ZNF577: variants seen among roughly 807,000 people sequenced by gnomAD.
The protein encoded by ZNF577 is zinc finger protein 577.
Under a neutral mutation model 13.9 loss-of-function variants are expected in ZNF577, and 14 were observed. That is an observed-to-expected ratio of 1.00 (90% confidence interval 0.66 to 1.57). The LOEUF is 1.57. Among genes scored for constraint, ZNF577 ranks in the 40% most tolerant of loss-of-function variants. The probability of loss-of-function intolerance (pLI) is 0.00; values close to 1 mark genes in which losing one functional copy is unlikely to be tolerated. For missense variants in ZNF577, 555 were observed against 579.2 expected (o/e 0.96, Z 0.43); for synonymous variants, 203 against 202.9 (o/e 1.00, Z 0.00).
intron 9 of ZNF577, among the ~76,000 whole-genome samples, chr19:51,820,812 T>C (rs2084182582): frequency 6.6e-6 from 1 of 152,248 alleles, no homozygotes; most frequent in Non-Finnish European, 1.5e-5. Context: ...AACTTCCTCA[T>C]GTGTACAATG....
At position 51,867,758 on chromosome 19, in the gene ZNF577, C is replaced by G. The variant is rs1030737408; in HGVS notation, c.*4774G>C. ...CACGATTACGCCACTGCACTCCAGCCTGGGCAAAAGAGCGAAACTCCATCT... is the reference window on the plus strand; with the variant it reads ...CACGATTACGCCACTGCACTCCAGCGTGGGCAAAAGAGCGAAACTCCATCT... On this transcript the variant is annotated 3_prime_UTR_variant, in exon 6 of 6. Transcript: ENST00000638348. Among the ~76,000 whole-genome samples the G allele has an allele frequency of 6.6e-6, 1 of 152,060 alleles. No homozygotes were observed. The highest frequency in any genetic ancestry group is 2.4e-5 in the African/African-American group (1 of 41,392).
At chr19:51,874,028 G>A (rs2084713094) in intron 5 of ZNF577, among the ~76,000 whole-genome samples, 1 of 152,154 alleles carries the variant, frequency 6.6e-6, no homozygotes, top group African/African-American at 2.4e-5. Flanking sequence ...TGTGAAAAAG[G>A]ATGATACTAT....
chr19:51,860,162 C>A (rs2084481232), intron 5 of ZNF577: 2 of 152,146 alleles, frequency 1.3e-5, no homozygotes, highest in Admixed American at 1.3e-4. Flanking sequence ...CATTCCAGAT[C>A]ATAAGATGCT....
At chr19:51,814,090 T>A (rs1268045365) in intron 9 of ZNF577, among the ~76,000 whole-genome samples, 1 of 152,338 alleles carries the variant, frequency 6.6e-6, no homozygotes, top group East Asian at 1.9e-4. Context: ...AATTCCTTCT[T>A]GGTTTATGTG....
chr19:51,853,924 C>T (rs2084392989), intron 5 of ZNF577, among the ~76,000 whole-genome samples: 1 of 151,784 alleles, frequency 6.6e-6, no homozygotes, highest in African/African-American at 2.4e-5. Flanking sequence ...ATAGTTCAGT[C>T]GAAAGAAGCA....
intron 8 of ZNF577, among the ~76,000 whole-genome samples, chr19:51,840,330 G>C (rs569803611): frequency 6.6e-6 from 1 of 152,300 alleles, no homozygotes; most frequent in African/African-American, 2.4e-5. Flanking sequence ...AAAGCAGCAG[G>C]TAAGGCGCAG....
intron 5 of ZNF577, among the ~76,000 whole-genome samples, chr19:51,849,772 A>G (rs1393879453): frequency 6.6e-6 from 1 of 152,214 alleles, no homozygotes; most frequent in Admixed American, 6.5e-5. Flanking sequence ...TTAAGCATTT[A>G]CCCAAAAGAA....
intron 10 of ZNF577, among the ~76,000 whole-genome samples, chr19:51,810,439 G>A (rs1163297703): frequency 3.9e-5 from 6 of 152,180 alleles, no homozygotes; most frequent in African/African-American, 1.4e-4. Flanking sequence ...TATGTAAAAA[G>A]GATTGTACTG....
chr19:51,815,782 GC>G (rs1347318558), intron 9 of ZNF577, among the ~76,000 whole-genome samples: 1 of 151,192 alleles, frequency 6.6e-6, no homozygotes, highest in Non-Finnish European at 1.5e-5. Flanking sequence ...AATCCCTTGA[GC>G]CCAGGGAAGT....
At chr19:51,854,121 TG>T (rs146695221) in intron 5 of ZNF577, among the ~76,000 whole-genome samples, 10,002 of 152,274 alleles carry the variant, frequency 0.066, 465 homozygotes, top group Non-Finnish European at 0.099. Context: ...GATTCTGGAT[TG>T]TATGTAATTG....
intron 9 of ZNF577, among the ~76,000 whole-genome samples, chr19:51,813,879 C>T (rs1401659229): frequency 6.6e-6 from 1 of 152,080 alleles, no homozygotes; most frequent in Non-Finnish European, 1.5e-5. Flanking sequence ...TGAATGAAGC[C>T]AGTTTTTTTG....
intron 4 of ZNF577, 66 bp from the exon 5 acceptor site, chr19:51,877,443 T>G: frequency 7.4e-7 from 1 of 1,343,552 alleles, no homozygotes; most frequent in African/African-American, 1.4e-5. Flanking sequence ...ATGGAGAGGG[T>G]TATGTCTCAG....
chr19:51,878,613 G>A (rs868845108), intron 3 of ZNF577, 98 bp from the exon 4 acceptor site: 13 of 1,438,602 alleles, frequency 9.0e-6, no homozygotes, highest in Middle Eastern at 3.6e-4. Flanking sequence ...CCATGACAAC[G>A]TATGCACACC....
chr19:51,878,275 A>C, intron 4 of ZNF577, 114 bp downstream of exon 4: 1 of 1,201,770 alleles, frequency 8.3e-7, no homozygotes, highest in Non-Finnish European at 1.1e-6. Flanking sequence ...TTACCACCAC[A>C]ACAAAAAATC....
At position 51,824,979 on chromosome 19, in the gene ZNF577, C is replaced by T. The variant is rs1430578684; in HGVS notation, c.*600-13305G>A. The T allele has an allele frequency of 6.5e-6, 4 of 610,994 alleles. No individual in the cohort carries two copies. Among genetic ancestry groups the T allele is most frequent in the African/African-American group, 1.9e-5 (1 of 53,748 alleles). The allele number at this position is 610,994 out of a possible 1,614,324, so 37.8% of individuals were successfully genotyped here. A position where few individuals can be genotyped will look rare whatever the true frequency, so the allele number is the denominator to read the frequency against. On this transcript the variant is annotated intron_variant and NMD_transcript_variant, in intron 9 of 10. Transcript: ENST00000638827. The surrounding 1 kb of genome is among the most constrained non-coding windows in gnomAD (Gnocchi z 4.7). ...GTTTTTCCCACAACCAAGCAATAGACACCAGCTGGGTGTCCTACAATTAAA... is the reference window on the plus strand; with the variant it reads ...GTTTTTCCCACAACCAAGCAATAGATACCAGCTGGGTGTCCTACAATTAAA...
chr19:51,853,178 C>A (rs2084388179), intron 5 of ZNF577, among the ~76,000 whole-genome samples: 1 of 152,214 alleles, frequency 6.6e-6, no homozygotes, highest in Admixed American at 6.5e-5. Context: ...CTCAAATGAT[C>A]TGCCTGTTTT....
intron 9 of ZNF577, among the ~76,000 whole-genome samples, chr19:51,837,164 G>T (rs1037792179): frequency 6.6e-6 from 1 of 152,072 alleles, no homozygotes; most frequent in Admixed American, 6.5e-5. Flanking sequence ...GTAAAATGAA[G>T]GTGTGTTCCA....
intron 9 of ZNF577, among the ~76,000 whole-genome samples, chr19:51,837,326 A>T (rs774518422): frequency 2.0e-5 from 3 of 152,208 alleles, no homozygotes; most frequent in Non-Finnish European, 4.4e-5. Flanking sequence ...TGGTTGATAC[A>T]GCTGAGCGCT....
rs1380357017 is a variant in ZNF577 at position 51,868,517 on chromosome 19, G to A, written c.*4015C>T. 6.6e-6 allele frequency among the ~76,000 whole-genome samples: 1 copy of A among 152,130 alleles called. No individual in the cohort carries two copies. The highest frequency in any genetic ancestry group is 1.5e-5 in the Non-Finnish European group (1 of 68,016). The stretch of plus-strand genomic sequence containing the variant: ...CCACACAGCAGGGCAGACTCACCAA[G>A]AACCGACTGGGTCTGACCCACCAAA... On this transcript the variant is annotated 3_prime_UTR_variant, in exon 6 of 6. Transcript: ENST00000638348.
Sources: gnomAD v4.1 joint callset for allele counts (sites outside exome capture counted in the v4.1 genomes callset) on GRCh38, gnomAD v4.1.1 for gene constraint, Gnocchi (gnomAD v3.1) non-coding constraint, MANE v1.5 for transcripts, NCBI Gene and HGNC (gene_info 2026-07-23, HGNC 2026-07-21) for gene names.